The following RGS22 variants were observed in gnomAD, a reference collection of about 807,000 sequenced individuals.
The protein encoded by RGS22 is regulator of G-protein signaling 22.
In RGS22, 148 loss-of-function variants were observed where a neutral mutation model predicts 172.9. The observed-to-expected ratio is 0.86, with a 90% CI of 0.75 to 0.98. The LOEUF is 0.98. Among genes scored for constraint, RGS22 ranks in the 50% least tolerant of loss-of-function variants. RGS22 has a pLI of 0.00. For synonymous variants in RGS22, 458 were observed against 480.2 expected (o/e 0.95, Z 0.60); for missense variants, 1,347 against 1,440.8 (o/e 0.93, Z 1.05).
rs1171027694 is a variant in RGS22 at position 100,003,938 on chromosome 8, G to A, written c.2615C>T (p.Thr872Ile). Residue 872 changes from threonine to isoleucine, a missense_variant, in exon 17 of 28, where the codon ACT becomes ATT. Transcript: ENST00000360863. ...EFEHFRQFLETHSSSMDLMCW... is the reference protein window; with the variant it reads ...EFEHFRQFLEIHSSSMDLMCW... The stretch of plus-strand genomic sequence containing the variant: ...TTATGTCCCTCACCTTGAAGAATGA[G>A]TCTCAAGAAACTGACGGAAATGTTC... The A allele has an allele frequency of 3.0e-5, 48 of 1,605,072 alleles. No homozygotes were observed. Among genetic ancestry groups the A allele is most frequent in the Non-Finnish European group, 4.0e-5 (47 of 1,175,218 alleles).
chr8:99,977,868 C>T (rs1588890498), intron 23 of RGS22, 49 bp downstream of exon 23: 1 of 1,446,764 alleles, frequency 6.9e-7, no homozygotes, highest in Non-Finnish European at 9.3e-7. Context: ...TCACACATAT[C>T]ACATAACTTT....
chr8:99,990,509 A>G (rs771274379), intron 20 of RGS22, among the ~76,000 whole-genome samples: 3 of 152,162 alleles, frequency 2.0e-5, no homozygotes, highest in Admixed American at 6.5e-5. Context: ...GTCCTGCAAC[A>G]TTCTTGGCAT....
intron 17 of RGS22, among the ~76,000 whole-genome samples, chr8:100,002,608 A>G (rs542330215): frequency 2.1e-4 from 31 of 150,184 alleles, no homozygotes; most frequent in Non-Finnish European, 4.4e-4. Context: ...TGGGATCAGA[A>G]AAAAAAATCC....
chr8:100,044,414 T>C (rs939111283), intron 11 of RGS22, among the ~76,000 whole-genome samples: 4 of 152,182 alleles, frequency 2.6e-5, no homozygotes, highest in South Asian at 2.1e-4. Flanking sequence ...GCCTGGCTAA[T>C]TTTTGTATAT....
intron 9 of RGS22, among the ~76,000 whole-genome samples, chr8:100,058,660 A>G (rs560232365): frequency 1.3e-5 from 2 of 152,302 alleles, no homozygotes; most frequent in Non-Finnish European, 2.9e-5. Flanking sequence ...ATATCCTTCA[A>G]ATATGAAGGA....
intron 14 of RGS22, 105 bp downstream of exon 14, chr8:100,038,826 G>T: frequency 1.9e-6 from 1 of 514,128 alleles, no homozygotes. Flanking sequence ...TTTAATTGCT[G>T]CCTTTTTGCC....
At chr8:100,038,514 T>C (rs980038313) in intron 14 of RGS22, 2 of 155,844 alleles carry the variant, frequency 1.3e-5, no homozygotes, top group Non-Finnish European at 2.8e-5. Flanking sequence ...CAGCCTAGTA[T>C]GTCCAACAGC....
Position 100,018,687 on chromosome 8 carries a change from C to T in RGS22, c.2167-10118G>A, listed in dbSNP as rs932144431. On this transcript the variant is annotated intron_variant, in intron 14 of 27. Coordinates refer to ENST00000360863, the MANE Select transcript of RGS22 (RefSeq NM_015668.5). ...TGTACTATTAATACACATGAGATAG[C>T]TCAAACGATTTAAAATACGACATTT... Among the ~76,000 whole-genome samples, 3 of 152,302 alleles carry T rather than the reference C, an allele frequency of 2.0e-5. No individual in the cohort carries two copies. The East Asian group carries it at 5.8e-4, about 29-fold the overall frequency.
At chr8:100,047,633 G>C (rs1256285238) in intron 10 of RGS22, 37 bp from the exon 11 acceptor site, 1 of 1,584,142 alleles carries the variant, frequency 6.3e-7, no homozygotes, top group South Asian at 1.2e-5. Context: ...GAAAATGAGA[G>C]AGAAAAAAGC....
chr8:100,089,235 C>T (rs920091274), intron 3 of RGS22, among the ~76,000 whole-genome samples: 1 of 151,308 alleles, frequency 6.6e-6, no homozygotes, highest in Non-Finnish European at 1.5e-5. Context: ...CACACACACA[C>T]GATATTCTCA....
At chr8:100,051,410 TTA>T (rs535756583) in intron 10 of RGS22, among the ~76,000 whole-genome samples, 64 of 127,758 alleles carry the variant, frequency 5.0e-4, no homozygotes, top group African/African-American at 9.7e-4. Flanking sequence ...TATATATTTA[TTA>T]TATATATATA....
chr8:100,092,567 C>T (rs189690147), intron 3 of RGS22, among the ~76,000 whole-genome samples: 351 of 152,242 alleles, frequency 2.3e-3, no homozygotes, highest in African/African-American at 7.5e-3. Flanking sequence ...GTGAGGTCAG[C>T]GCCCCTCTTT....
At position 100,052,872 on chromosome 8, in the gene RGS22, G is replaced by C; in HGVS notation, c.1619C>G (p.Pro540Arg). 6.2e-7 allele frequency: 1 copy of C among 1,614,066 alleles called. No individual in the cohort carries two copies. Among genetic ancestry groups the C allele is most frequent in the South Asian group, 1.1e-5 (1 of 91,074 alleles). Residue 540 changes from proline (P) to arginine (R), a missense_variant, in exon 10 of 28, where the codon CCT (proline) becomes CGT (arginine). Pro to Arg is a moderately radical substitution (Grantham distance 103). Coordinates refer to ENST00000360863, the MANE Select transcript of RGS22 (RefSeq NM_015668.5). The part of the protein sequence containing the change: ...RQAKPRKDID[P>R]FPQMATLLPL... ...CAAGAGGGTTGCCATTTGTGGAAAA[G>C]GGTCAATATCCTTCCTTGGTTTTGC...
chr8:100,065,749 G>A (rs1185708218), intron 7 of RGS22, among the ~76,000 whole-genome samples: 1 of 151,898 alleles, frequency 6.6e-6, no homozygotes, highest in South Asian at 2.1e-4. Context: ...TTTTTTTTAG[G>A]AAGGGAAAAA....
chr8:100,059,118 AACCT>A (rs1809890526), intron 9 of RGS22, among the ~76,000 whole-genome samples: 1 of 152,142 alleles, frequency 6.6e-6, no homozygotes, highest in African/African-American at 2.4e-5. Flanking sequence ...GCCTCATGGT[AACCT>A]CAAACCAAAA....
At chr8:99,966,345 T>C (rs914226787) in intron 23 of RGS22, among the ~76,000 whole-genome samples, 7 of 152,028 alleles carry the variant, frequency 4.6e-5, no homozygotes, top group African/African-American at 1.5e-4. Flanking sequence ...ATTTGGGTGA[T>C]GAGTATACTT....
intron 2 of RGS22, among the ~76,000 whole-genome samples, chr8:100,095,452 G>C (rs1353450587): frequency 1.3e-5 from 2 of 152,144 alleles, no homozygotes; most frequent in Non-Finnish European, 2.9e-5. Flanking sequence ...CTAAAGTGCT[G>C]GGATTACAAC....
intron 6 of RGS22, among the ~76,000 whole-genome samples, chr8:100,069,418 C>T (rs1810783474): frequency 6.6e-6 from 1 of 152,182 alleles, no homozygotes; most frequent in South Asian, 2.1e-4. Flanking sequence ...TAAGATCTAA[C>T]AATTAGAGGC....
chr8:100,006,930 C>CTT (rs200381921), intron 15 of RGS22, among the ~76,000 whole-genome samples: 22 of 147,464 alleles, frequency 1.5e-4, no homozygotes, highest in Middle Eastern at 3.5e-3. Context: ...AATTCCAAAT[C>CTT]TTTTTTTTTT....
Sources: allele counts gnomAD v4.1 joint callset (sites outside exome capture counted in the v4.1 genomes callset), GRCh38; gene constraint gnomAD v4.1.1; transcripts MANE v1.5; gene names NCBI Gene and HGNC (gene_info 2026-07-23, HGNC 2026-07-21).